CCN4: variants seen among roughly 807,000 people sequenced by gnomAD.
CCN4 encodes the protein CCN family member 4.
A neutral mutation model predicts 36.7 loss-of-function variants in CCN4; 30 were observed. That is an observed-to-expected ratio of 0.82 (90% confidence interval 0.61 to 1.11). The LOEUF (loss-of-function observed/expected upper bound fraction) is 1.11, where lower values mean the gene tolerates loss of function less well. CCN4 is among the 50% of genes least tolerant of loss of function. CCN4 has a pLI of 0.00. For synonymous variants in CCN4, 191 were observed against 195.4 expected, an observed-to-expected ratio of 0.98 and a Z score of 0.19; for missense variants, 505 against 504.9, an observed-to-expected ratio of 1.00 and a Z score of 0.00.
rs941841792 is a variant in CCN4, at chr8:133,212,905, T to C, written c.111T>C (p.Ala37=). The change falls in exon 2 of 5, where the codon GCT becomes GCC. Residue 37 remains alanine (A), a synonymous_variant. Coordinates refer to ENST00000250160, the MANE Select transcript of CCN4 (RefSeq NM_003882.4). ...PAPTTMDFTP[A]PLEDTSSRPQ... ...CTACGACCATGGACTTTACCCCAGCTCCACTGGAGGACACCTCCTCACGCC... is the reference window on the plus strand; with the variant it reads ...CTACGACCATGGACTTTACCCCAGCCCCACTGGAGGACACCTCCTCACGCC... 1.2e-6 allele frequency: 2 copies of C among 1,604,084 alleles called. No homozygotes were observed. The highest frequency in any genetic ancestry group is 1.4e-5 in the African/African-American group (1 of 72,906).
At chr8:133,191,598 C>T (rs548750924) in intron 1 of CCN4, among the ~76,000 whole-genome samples, 15 of 152,196 alleles carry the variant, frequency 9.9e-5, no homozygotes, top group Admixed American at 2.6e-4. Context: ...CAGCGTAAAG[C>T]GACGAAGTTG....
At chr8:133,219,287 C>G (rs951385948) in intron 2 of CCN4, among the ~76,000 whole-genome samples, 2 of 152,164 alleles carry the variant, frequency 1.3e-5, no homozygotes, top group African/African-American at 4.8e-5. Context: ...CTTGTCTCCC[C>G]TCCTCAGACC....
chr8:133,195,217 T>C (rs929254517), intron 1 of CCN4, among the ~76,000 whole-genome samples: 1 of 148,592 alleles, frequency 6.7e-6, no homozygotes, highest in East Asian at 2.0e-4. Flanking sequence ...ATGGTGTGTG[T>C]ATGTGTGTGG....
intron 1 of CCN4, among the ~76,000 whole-genome samples, chr8:133,204,784 G>T (rs1173368992): frequency 6.6e-6 from 1 of 152,158 alleles, no homozygotes; most frequent in Non-Finnish European, 1.5e-5. Context: ...CGACCTCCTT[G>T]ACCTCGAGTG....
At chr8:133,194,190 T>C (rs1171386509) in intron 1 of CCN4, among the ~76,000 whole-genome samples, 1 of 152,012 alleles carries the variant, frequency 6.6e-6, no homozygotes, top group Non-Finnish European at 1.5e-5. Flanking sequence ...CCTGTATCAG[T>C]GCATGTGGGA....
At position 133,213,056 on chromosome 8, in the gene CCN4, A is replaced by G. The variant is rs777617907; in HGVS notation, c.262A>G (p.Thr88Ala). The change falls in exon 2 of 5, where the codon ACG becomes GCG. Residue 88 changes from threonine to alanine, a missense_variant. By Grantham distance (58) the Thr-to-Ala change is moderately conservative. Coordinates refer to ENST00000250160, the MANE Select transcript of CCN4 (RefSeq NM_003882.4). Reference protein sequence around the residue: ...MCAQQLGDNCTEAAICDPHRG... With the variant: ...MCAQQLGDNCAEAAICDPHRG... Reference sequence around the variant, plus strand: ...CGCTCAGCAGCTTGGGGACAACTGCACGGAGGCTGCCATCTGTGACCCCCA... The same window carrying G: ...CGCTCAGCAGCTTGGGGACAACTGCGCGGAGGCTGCCATCTGTGACCCCCA... 1 of 1,614,164 alleles carries G rather than the reference A, an allele frequency of 6.2e-7. No individual in the cohort carries two copies. Among genetic ancestry groups the G allele is most frequent in the South Asian group, 1.1e-5 (1 of 91,088 alleles).
intron 1 of CCN4, among the ~76,000 whole-genome samples, chr8:133,212,237 A>G (rs1854072573): frequency 1.3e-5 from 2 of 151,970 alleles, no homozygotes; most frequent in Non-Finnish European, 1.5e-5. Context: ...GGAAGCGCCA[A>G]CTCACTCCCC....
At chr8:133,209,688 A>T (rs1853922083) in intron 1 of CCN4, among the ~76,000 whole-genome samples, 1 of 152,232 alleles carries the variant, frequency 6.6e-6, no homozygotes, top group African/African-American at 2.4e-5. Flanking sequence ...GTTCCAACCC[A>T]TTCCAGCTCA....
At chr8:133,219,010 G>C (rs557603679) in intron 2 of CCN4, among the ~76,000 whole-genome samples, 1 of 152,040 alleles carries the variant, frequency 6.6e-6, no homozygotes, top group Non-Finnish European at 1.5e-5. Context: ...TCTGGAAGCC[G>C]AGCTCTTCTC....
rs370616029 is a variant in CCN4 at position 133,227,454 on chromosome 8, T to C, written c.848T>C (p.Met283Thr). The part of the protein sequence containing the change: ...CLAVYQPEAS[M>T]NFTLAGCIST... ...GCTGTGTACCAGCCAGAGGCATCCA[T>C]GAACTTCACACTTGCGGGCTGCATC... Residue 283 changes from methionine (M) to threonine (T), a missense_variant, in exon 5 of 5, where the codon ATG (methionine) becomes ACG (threonine). Coordinates refer to ENST00000250160, the MANE Select transcript of CCN4 (RefSeq NM_003882.4). The C allele has an allele frequency of 3.7e-6, 6 of 1,614,046 alleles. No homozygotes were observed. The highest frequency in any genetic ancestry group is 1.3e-5 in the African/African-American group (1 of 74,918).
rs1331108280 is a variant in CCN4 at position 133,212,914 on chromosome 8, G to A, written c.120G>A (p.Glu40=). Residue 40 remains glutamate (E), a synonymous_variant, in exon 2 of 5, where the codon GAG becomes GAA. Coordinates refer to ENST00000250160, the MANE Select transcript of CCN4 (RefSeq NM_003882.4). Reference sequence around the variant, plus strand: ...TGGACTTTACCCCAGCTCCACTGGAGGACACCTCCTCACGCCCCCAATTCT... The same window carrying A: ...TGGACTTTACCCCAGCTCCACTGGAAGACACCTCCTCACGCCCCCAATTCT... The part of the protein sequence containing the change: ...TTMDFTPAPL[E]DTSSRPQFCK... The A allele has an allele frequency of 6.2e-7, 1 of 1,612,088 alleles. No individual in the cohort carries two copies. Among genetic ancestry groups the A allele is most frequent in the East Asian group, 2.2e-5 (1 of 44,784 alleles).
At chr8:133,220,553 G>A in intron 2 of CCN4, 28 bp from the exon 3 acceptor site, 1 of 1,602,684 alleles carries the variant, frequency 6.2e-7, no homozygotes, top group South Asian at 1.1e-5. Context: ...CAAGGCCACT[G>A]GGCCTGACCG....
At chr8:133,209,164 G>A (rs2130565091) in intron 1 of CCN4, among the ~76,000 whole-genome samples, 1 of 152,316 alleles carries the variant, frequency 6.6e-6, no homozygotes, top group Admixed American at 6.5e-5. Flanking sequence ...AACCGCCCTT[G>A]CGCCAGTCAT....
chr8:133,226,083 C>G lies in CCN4; in HGVS notation c.804+500C>G, dbSNP rs1386764597. Among the ~76,000 whole-genome samples the G allele has an allele frequency of 4.6e-5, 7 of 152,230 alleles. No homozygotes were observed. In the East Asian group the frequency reaches 1.4e-3, roughly 29 times the overall value. On this transcript the variant is annotated intron_variant, in intron 4 of 4. Coordinates refer to ENST00000250160, the MANE Select transcript of CCN4 (RefSeq NM_003882.4). ...CATATTGGAGTTGATCTCTGAAATCCCTTTCAGCTTTAAGAGTCCAAGATA... is the reference window on the plus strand; with the variant it reads ...CATATTGGAGTTGATCTCTGAAATCGCTTTCAGCTTTAAGAGTCCAAGATA...
intron 1 of CCN4, among the ~76,000 whole-genome samples, chr8:133,203,887 C>T (rs1353662882): frequency 3.3e-5 from 5 of 152,218 alleles, no homozygotes; most frequent in Non-Finnish European, 7.3e-5. Flanking sequence ...AAAATGAATA[C>T]TGATATGCAA....
intron 1 of CCN4, among the ~76,000 whole-genome samples, chr8:133,210,707 C>T (rs1426983719): frequency 2.0e-5 from 3 of 152,226 alleles, no homozygotes; most frequent in Non-Finnish European, 2.9e-5. Context: ...AATGTGCAGG[C>T]ACTCTGTGGG....
At chr8:133,219,542 A>G (rs1346743801) in intron 2 of CCN4, among the ~76,000 whole-genome samples, 1 of 152,232 alleles carries the variant, frequency 6.6e-6, no homozygotes, top group Non-Finnish European at 1.5e-5. Context: ...TAATTTTGCC[A>G]CAAAATATCT....
At chr8:133,198,789 C>T (rs1275655304) in intron 1 of CCN4, among the ~76,000 whole-genome samples, 1 of 152,214 alleles carries the variant, frequency 6.6e-6, no homozygotes, top group Admixed American at 6.5e-5. Flanking sequence ...CACCCTCCCT[C>T]CTCCCCCTAC....
chr8:133,220,644 C>T lies in CCN4; in HGVS notation c.413C>T (p.Pro138Leu), dbSNP rs564097534. Residue 138 changes from proline (P) to leucine (L), a missense_variant, in exon 3 of 5, where the codon CCT becomes CTT. By Grantham distance (98) the Pro-to-Leu change is moderately conservative. Transcript: ENST00000250160. ...TACAACAACGGCCAGTCCTTCCAGC[C>T]TAACTGCAAGTACAACTGCACGTGC... ...VRYNNGQSFQ[P>L]NCKYNCTCID... 1.1e-4 allele frequency: 175 copies of T among 1,614,224 alleles called. 2 individuals carry two copies. The South Asian group carries it at 1.8e-3, about 17-fold the overall frequency.
Sources: allele counts gnomAD v4.1 joint callset (sites outside exome capture counted in the v4.1 genomes callset), GRCh38; gene constraint gnomAD v4.1.1; transcripts MANE v1.5; gene names NCBI Gene and HGNC (gene_info 2026-07-23, HGNC 2026-07-21).